FAM167A: variants seen among roughly 807,000 people sequenced by gnomAD.
The protein encoded by FAM167A is protein FAM167A.
FAM167A carries 23 observed loss-of-function variants against 14.9 expected under a neutral mutation model. The observed-to-expected ratio is 1.55, with a 90% CI of 1.11 to 2.19. The LOEUF (loss-of-function observed/expected upper bound fraction) is 2.19. Ranked by LOEUF, FAM167A falls within the 30% of genes most tolerant of loss-of-function variation. FAM167A has a pLI of 0.00. For synonymous variants in FAM167A, 174 were observed against 117.7 expected, an observed-to-expected ratio of 1.48 and a Z score of -3.10; for missense variants, 401 against 281.5, an observed-to-expected ratio of 1.42 and a Z score of -3.04.
chr8:11,445,160 C>T (rs1806707321), intron 1 of FAM167A: 1 of 985,380 alleles, frequency 1.0e-6, no homozygotes. Context: ...GATCTCCCAG[C>T]AATAAGTTGT....
chr8:11,459,916 C>T (rs1159759912), intron 1 of FAM167A, among the ~76,000 whole-genome samples: 5 of 152,156 alleles, frequency 3.3e-5, no homozygotes, highest in Admixed American at 2.6e-4. Flanking sequence ...TTAGTAGAGA[C>T]GGGGTTTCAC....
At chr8:11,426,310 AAAT>A (rs1805142470) in intron 2 of FAM167A, among the ~76,000 whole-genome samples, 2 of 152,184 alleles carry the variant, frequency 1.3e-5, no homozygotes, top group African/African-American at 4.8e-5. Flanking sequence ...TGTCTCTCTG[AAAT>A]GTGTAAAACC....
chr8:11,467,124 C>G (rs574287316), upstream of FAM167A, among the ~76,000 whole-genome samples: 3 of 152,256 alleles, frequency 2.0e-5, no homozygotes, highest in African/African-American at 4.8e-5. Context: ...TCACCCACCC[C>G]CAAACGGCAG....
Position 11,422,834 on chromosome 8 carries a change from G to A in FAM167A, c.*1539C>T. ...CGTAGACCATGGGACAGTGATTAGT[G>A]ACACATGCCCTGTGGGGCCACTGTC... On this transcript the variant is annotated 3_prime_UTR_variant, in exon 3 of 3. Coordinates refer to ENST00000284486, the MANE Select transcript of FAM167A (RefSeq NM_053279.3). 6.6e-6 allele frequency: 1 copy of A among 152,666 alleles called. No individual in the cohort carries two copies. The allele number at this position is 152,666 out of a possible 1,614,324, so 9.5% of individuals were successfully genotyped here. A position where few individuals can be genotyped will look rare whatever the true frequency, so the allele number is the denominator to read the frequency against.
chr8:11,443,121 C>A (rs1269278055), intron 2 of FAM167A, among the ~76,000 whole-genome samples: 2 of 152,238 alleles, frequency 1.3e-5, no homozygotes, highest in Admixed American at 6.5e-5. Context: ...GTCACCTGGG[C>A]CTCAGGGACG....
intron 2 of FAM167A, among the ~76,000 whole-genome samples, chr8:11,430,037 T>A (rs1434244275): frequency 6.6e-6 from 1 of 152,182 alleles, no homozygotes; most frequent in Non-Finnish European, 1.5e-5. Context: ...TAAGCCCTCA[T>A]TAAAAGCCTG....
At chr8:11,427,046 G>T (rs1297092245) in intron 2 of FAM167A, among the ~76,000 whole-genome samples, 1 of 152,146 alleles carries the variant, frequency 6.6e-6, no homozygotes, top group Non-Finnish European at 1.5e-5. Context: ...GTTCTTTGTG[G>T]GCCAATTGTG....
At position 11,421,629 on chromosome 8, in the gene FAM167A, C is replaced by A; in HGVS notation, c.*2744G>T. 2.5e-6 allele frequency: 1 copy of A among 398,550 alleles called. No homozygotes were observed. The highest frequency in any genetic ancestry group is 4.4e-6 in the Non-Finnish European group (1 of 226,046). The allele number at this position is 398,550 out of a possible 1,614,324, so 24.7% of individuals were successfully genotyped here. A position where few individuals can be genotyped will look rare whatever the true frequency, so the allele number is the denominator to read the frequency against. On this transcript the variant is annotated 3_prime_UTR_variant, in exon 3 of 3. Coordinates refer to ENST00000284486, the MANE Select transcript of FAM167A (RefSeq NM_053279.3). ...ATTGCTACAGGGTGTGGGTCTTGAA[C>A]TCGGTCAGGCATCGTCAAGCCTGCC...
At position 11,422,931 on chromosome 8, in the gene FAM167A, T is replaced by TGGAGAGTA. The variant is rs1271370333; in HGVS notation, c.*1434_*1441dup. 6.6e-6 allele frequency: 1 copy of TGGAGAGTA among 152,484 alleles called. No individual in the cohort carries two copies. The allele number at this position is 152,484 out of a possible 1,614,324, so 9.4% of individuals were successfully genotyped here. A position where few individuals can be genotyped will look rare whatever the true frequency, so the allele number is the denominator to read the frequency against. ...TGGGAGATGTGGGTGGGGGCTGAGG[T>TGGAGAGTA]GGAGAGTAGAGGGGTTGGCAGTGTG... On this transcript the variant is annotated 3_prime_UTR_variant, in exon 3 of 3. Coordinates refer to ENST00000284486, the MANE Select transcript of FAM167A (RefSeq NM_053279.3).
intron 1 of FAM167A, among the ~76,000 whole-genome samples, chr8:11,450,068 A>G (rs1806962776): frequency 6.6e-6 from 1 of 152,086 alleles, no homozygotes; most frequent in South Asian, 2.1e-4. Context: ...TCTCCATAAG[A>G]CACAATCTTT....
chr8:11,463,231 C>T (rs971038471), intron 1 of FAM167A, among the ~76,000 whole-genome samples: 2 of 152,258 alleles, frequency 1.3e-5, no homozygotes, highest in Admixed American at 6.5e-5. Context: ...GCAGCAGCCA[C>T]ACAACCAAAT....
intron 1 of FAM167A, among the ~76,000 whole-genome samples, chr8:11,473,946 C>A (rs529517149): frequency 7.9e-5 from 12 of 152,102 alleles, no homozygotes; most frequent in Non-Finnish European, 1.8e-4. Flanking sequence ...AATACCAGCT[C>A]ACTGCCAATC....
chr8:11,445,820 T>TA (rs1239960318), intron 1 of FAM167A, among the ~76,000 whole-genome samples: 30 of 132,726 alleles, frequency 2.3e-4, no homozygotes, highest in South Asian at 7.9e-4. Context: ...AGGGTGTGTT[T>TA]TAAAAAAAAA....
chr8:11,433,347 C>A (rs1263729381), intron 2 of FAM167A, among the ~76,000 whole-genome samples: 1 of 152,208 alleles, frequency 6.6e-6, no homozygotes, highest in Non-Finnish European at 1.5e-5. Flanking sequence ...CCAGACAAAT[C>A]CTCCCCTTTC....
rs554141349 is a variant in FAM167A at position 11,429,984 on chromosome 8, G to A, written c.382-5348C>T. On this transcript the variant is annotated intron_variant, in intron 2 of 2. Transcript: ENST00000284486. The stretch of plus-strand genomic sequence containing the variant: ...CATCACTTAAGTCCTTTCTCTCCAG[G>A]CCAAGGCACAGAACATGGAACCCAG... 2.0e-5 allele frequency among the ~76,000 whole-genome samples: 3 copies of A among 152,258 alleles called. No individual in the cohort carries two copies. In the East Asian group the frequency reaches 5.8e-4, roughly 29 times the overall value.
At chr8:11,456,481 G>T (rs998287099) in intron 1 of FAM167A, among the ~76,000 whole-genome samples, 1 of 131,180 alleles carries the variant, frequency 7.6e-6, no homozygotes, top group Admixed American at 8.0e-5. Flanking sequence ...TGCTTGGGGG[G>T]TGGTTGCCCT....
chr8:11,452,448 G>C (rs1456154744), intron 1 of FAM167A, among the ~76,000 whole-genome samples: 1 of 152,144 alleles, frequency 6.6e-6, no homozygotes, highest in Non-Finnish European at 1.5e-5. Context: ...GGTGCCTCTG[G>C]GCTGTTTCAG....
At chr8:11,475,397 C>T (rs918777726) in intron 1 of FAM167A, among the ~76,000 whole-genome samples, 1 of 152,034 alleles carries the variant, frequency 6.6e-6, no homozygotes, top group Admixed American at 6.6e-5. Context: ...GCATAAAAGC[C>T]TCTCAACCTC....
intron 1 of FAM167A, among the ~76,000 whole-genome samples, chr8:11,465,478 T>G (rs1279928980): frequency 1.3e-5 from 2 of 152,098 alleles, no homozygotes; most frequent in Admixed American, 1.3e-4. Context: ...TGCGAAGGGT[T>G]TCTAAGTAGT....
Sources: allele counts gnomAD v4.1 joint callset (sites outside exome capture counted in the v4.1 genomes callset), GRCh38; gene constraint gnomAD v4.1.1; transcripts MANE v1.5; gene names NCBI Gene and HGNC (gene_info 2026-07-23, HGNC 2026-07-21).